TPX2: variants seen among roughly 807,000 people sequenced by gnomAD.
TPX2 encodes the protein TPX2 microtubule nucleation factor, also known as targeting protein for Xklp2.
TPX2 carries 21 observed loss-of-function variants against 93.6 expected under a neutral mutation model. That is an observed-to-expected ratio of 0.22 (90% CI 0.16 to 0.32). The LOEUF is 0.32. TPX2 is among the 10% of genes least tolerant of loss of function. TPX2 has a pLI of 1.00. For missense variants in TPX2, 776 were observed against 871.1 expected, an observed-to-expected ratio of 0.89 and a Z score of 1.37; for synonymous variants, 281 against 298.3, an observed-to-expected ratio of 0.94 and a Z score of 0.60.
At chr20:31,775,742 TA>T (rs754834195) in intron 7 of TPX2, 124 bp from the exon 8 acceptor site, 10 of 943,038 alleles carry the variant, frequency 1.1e-5, no homozygotes, top group South Asian at 3.8e-5. Context: ...TATTAGATGA[TA>T]TTTTTTGGTT....
intron 12 of TPX2, among the ~76,000 whole-genome samples, chr20:31,787,900 G>GT (rs1052983262): frequency 6.6e-6 from 1 of 152,144 alleles, no homozygotes; most frequent in African/African-American, 2.4e-5. Context: ...CAACAGAACT[G>GT]TTTTAGGGTG....
At chr20:31,788,275 G>A (rs1039156480) in intron 12 of TPX2, among the ~76,000 whole-genome samples, 1 of 151,834 alleles carries the variant, frequency 6.6e-6, no homozygotes, top group African/African-American at 2.4e-5. Context: ...AAAATTAGCC[G>A]GGCGTGGTGG....
intron 2 of TPX2, among the ~76,000 whole-genome samples, chr20:31,753,100 G>A (rs2061829500): frequency 6.6e-6 from 1 of 152,134 alleles, no homozygotes. Flanking sequence ...TTAGACTGGG[G>A]ATACCAAAGA....
chr20:31,760,256 A>C, intron 4 of TPX2, 77 bp downstream of exon 4: 6 of 1,560,114 alleles, frequency 3.8e-6, no homozygotes, highest in Non-Finnish European at 5.2e-6. Context: ...TTCTGGGAAA[A>C]TTACCTAAAT....
intron 4 of TPX2, among the ~76,000 whole-genome samples, chr20:31,762,925 A>C (rs1391886989): frequency 1.3e-5 from 2 of 152,134 alleles, no homozygotes; most frequent in African/African-American, 4.8e-5. Context: ...TTTATTGAAA[A>C]GACTGTCCCT....
intron 12 of TPX2, among the ~76,000 whole-genome samples, chr20:31,786,034 C>T (rs1022372155): frequency 6.6e-6 from 1 of 152,120 alleles, no homozygotes; most frequent in African/African-American, 2.4e-5. Context: ...GCAATAATAG[C>T]TAATACTTAT....
At chr20:31,745,521 T>C (rs2061778956) in intron 2 of TPX2, among the ~76,000 whole-genome samples, 1 of 152,040 alleles carries the variant, frequency 6.6e-6, no homozygotes, top group South Asian at 2.1e-4. Flanking sequence ...AGAGATGGGG[T>C]TTTGCCATAT....
At chr20:31,778,768 C>G (rs533921607) in intron 9 of TPX2, 45 bp from the exon 10 acceptor site, 3 of 1,497,374 alleles carry the variant, frequency 2.0e-6, no homozygotes, top group Non-Finnish European at 1.8e-6. Flanking sequence ...TAGATGTGAG[C>G]TCTTCCGTGA....
rs112719763 is a variant in TPX2 at position 31,789,608 on chromosome 20, A to C, written c.1414-3127A>C. 9.6e-3 allele frequency among the ~76,000 whole-genome samples: 1,379 copies of C among 143,760 alleles called. 28 individuals are homozygous for C. Among genetic ancestry groups the C allele is most frequent in the African/African-American group, 0.038 (1,316 of 34,854 alleles). 94.3% of individuals were successfully genotyped at this position (143,760 alleles called of 152,430 possible). A position where few individuals can be genotyped will look rare whatever the true frequency, so the allele number is the denominator to read the frequency against. On this transcript the variant is annotated intron_variant, in intron 12 of 17. Transcript: ENST00000300403. The stretch of plus-strand genomic sequence containing the variant: ...ATAATTTAAAAAACTTAAAATAGCA[A>C]AAACAAAAAAAAACAAAAAAAAACT...
intron 2 of TPX2, among the ~76,000 whole-genome samples, chr20:31,756,118 C>G (rs552976099): frequency 6.6e-6 from 1 of 152,314 alleles, no homozygotes; most frequent in Admixed American, 6.5e-5. Flanking sequence ...GTGTTGAACT[C>G]TTACTATGTA....
chr20:31,747,296 T>A (rs2061789624), intron 2 of TPX2, among the ~76,000 whole-genome samples: 1 of 152,140 alleles, frequency 6.6e-6, no homozygotes, highest in South Asian at 2.1e-4. Context: ...AATTTTTGTA[T>A]TTTTAGTAGA....
At chr20:31,779,541 T>A (rs1461891935) in intron 10 of TPX2, among the ~76,000 whole-genome samples, 1 of 152,238 alleles carries the variant, frequency 6.6e-6, no homozygotes, top group Non-Finnish European at 1.5e-5. Flanking sequence ...AGAGATACAC[T>A]AATTAGTTCT....
chr20:31,764,172 A>G (rs1600369056), intron 4 of TPX2, among the ~76,000 whole-genome samples: 1 of 151,348 alleles, frequency 6.6e-6, no homozygotes, highest in Non-Finnish European at 1.5e-5. Flanking sequence ...ACATACATGT[A>G]TATGTATATA....
chr20:31,757,356 A>T, intron 2 of TPX2, 51 bp from the exon 3 acceptor site: 1 of 788,322 alleles, frequency 1.3e-6, no homozygotes, highest in Non-Finnish European at 2.0e-6. Flanking sequence ...GTAAAACCAA[A>T]GTAATGATGG....
chr20:31,765,698 A>G (rs1240041957), intron 4 of TPX2, among the ~76,000 whole-genome samples: 1 of 152,250 alleles, frequency 6.6e-6, no homozygotes, highest in Non-Finnish European at 1.5e-5. Context: ...CCAGATCAAT[A>G]ACTGTGATGC....
At position 31,783,765 on chromosome 20, in the gene TPX2, C is replaced by T. The variant is rs2062048918; in HGVS notation, c.1257C>T (p.Pro419=). 3.1e-6 allele frequency: 5 copies of T among 1,613,174 alleles called. 1 individual carries two copies. The East Asian group carries it at 8.9e-5, about 29-fold the overall frequency. Residue 419 remains proline (P), a synonymous_variant, in exon 12 of 18, where the codon CCC becomes CCT. Transcript: ENST00000300403. ...TACTTGAAGGTGGGCCCATCTTGCC[C>T]AAGAAACCACCTGTGAAACCACCCA... ...PRILEGGPIL[P]KKPPVKPPTE...
intron 2 of TPX2, among the ~76,000 whole-genome samples, chr20:31,757,053 A>G (rs1001438975): frequency 6.6e-6 from 1 of 152,086 alleles, no homozygotes; most frequent in African/African-American, 2.4e-5. Context: ...ATCTTTTTAG[A>G]GACAGGGTCA....
chr20:31,774,771 T>TTTTTTG (rs374889464), intron 7 of TPX2, among the ~76,000 whole-genome samples: 1 of 152,198 alleles, frequency 6.6e-6, no homozygotes, highest in African/African-American at 2.4e-5. Flanking sequence ...CTACTGGTCT[T>TTTTTTG]TTTTTGTTTT....
At chr20:31,766,798 T>TTC in intron 5 of TPX2, 116 bp downstream of exon 5, 1 of 668,564 alleles carries the variant, frequency 1.5e-6, no homozygotes, top group East Asian at 4.7e-5. Flanking sequence ...TATGTTACTT[T>TTC]TTTTTTTTTT....
Sources: allele counts gnomAD v4.1 joint callset (sites outside exome capture counted in the v4.1 genomes callset), GRCh38; gene constraint gnomAD v4.1.1; transcripts MANE v1.5; gene names NCBI Gene and HGNC (gene_info 2026-07-23, HGNC 2026-07-21).